Variants in PLEKHA6 observed in about 807,000 individuals in gnomAD.
PLEKHA6 encodes pleckstrin homology domain-containing family A member 6.
In PLEKHA6, 60 loss-of-function variants were observed where a neutral mutation model predicts 116.7. That is an observed-to-expected ratio of 0.51 (90% CI 0.42 to 0.64). PLEKHA6 has a LOEUF of 0.64. PLEKHA6 is among the 30% of genes least tolerant of loss of function. PLEKHA6 has a pLI of 0.00. For missense variants in PLEKHA6, 1,338 were observed against 1,422.7 expected, an observed-to-expected ratio of 0.94 and a Z score of 0.96; for synonymous variants, 489 against 556.1, an observed-to-expected ratio of 0.88 and a Z score of 1.70.
rs1665155311 is a variant in PLEKHA6 at position 204,255,509 on chromosome 1, T to G, written c.1524+1844A>C. On this transcript the variant is annotated intron_variant, in intron 9 of 22. Coordinates refer to ENST00000272203, the MANE Select transcript of PLEKHA6 (RefSeq NM_014935.5). ...AACCAAAACATAAGCCACTTTGTTG[T>G]GTCCTGCTTGCACCAACAAAGGTTG... 4.7e-6 allele frequency: 3 copies of G among 644,314 alleles called. No homozygotes were observed. In the Admixed American group the frequency reaches 7.3e-5, roughly 16 times the overall value. The allele number at this position is 644,314 out of a possible 1,614,324, so 39.9% of individuals were successfully genotyped here. A position where few individuals can be genotyped will look rare whatever the true frequency, so the allele number is the denominator to read the frequency against.
intron 1 of PLEKHA6, chr1:204,297,360 G>A (rs571066585): frequency 4.1e-6 from 1 of 246,276 alleles, no homozygotes; most frequent in African/African-American, 2.3e-5. Flanking sequence ...AATTCTACTG[G>A]GTGTAAGGCA....
At chr1:204,319,456 GACTT>G (rs899547394) in intron 1 of PLEKHA6, among the ~76,000 whole-genome samples, 10 of 152,244 alleles carry the variant, frequency 6.6e-5, no homozygotes, top group African/African-American at 2.2e-4. Context: ...GACATTAAGA[GACTT>G]ACTCATTGTC....
Position 204,221,053 on chromosome 1 carries a change from G to A in PLEKHA6, c.*1735C>T, listed in dbSNP as rs1659588082. 1 of 152,234 alleles carries A rather than the reference G, an allele frequency of 6.6e-6. No homozygotes were observed. The highest frequency in any genetic ancestry group is 6.5e-5 in the Admixed American group (1 of 15,286). 9.4% of individuals were successfully genotyped at this position (152,234 alleles called of 1,614,324 possible). ...TGCAGGGGAGAAAGGGCAGGTTTGGGGTGCTTGAACTGTGAAGATGGGAAA... is the reference window on the plus strand; with the variant it reads ...TGCAGGGGAGAAAGGGCAGGTTTGGAGTGCTTGAACTGTGAAGATGGGAAA... On this transcript the variant is annotated 3_prime_UTR_variant, in exon 23 of 23. Transcript: ENST00000272203.
At chr1:204,224,926 G>T (rs997711979) in intron 21 of PLEKHA6, among the ~76,000 whole-genome samples, 1 of 152,150 alleles carries the variant, frequency 6.6e-6, no homozygotes, top group African/African-American at 2.4e-5. Flanking sequence ...CAACATAGAG[G>T]TTATAGCCCA....
rs561095524 is a variant in PLEKHA6 at position 204,294,758 on chromosome 1, A to C, written c.-94-19949T>G. Among the ~76,000 whole-genome samples, 36 of 152,308 alleles carry C rather than the reference A, an allele frequency of 2.4e-4. 1 individual carries two copies. The highest frequency in any genetic ancestry group is 8.4e-4 in the African/African-American group (35 of 41,570). Reference sequence around the variant, plus strand: ...GTGCTTTCATTCCCCCATCTGTGAAAACGGGATAATATACGGACCTTCTTC... The same window carrying C: ...GTGCTTTCATTCCCCCATCTGTGAACACGGGATAATATACGGACCTTCTTC... On this transcript the variant is annotated intron_variant, in intron 1 of 22. Transcript: ENST00000272203.
At chr1:204,243,084 C>T (rs1663075062) in intron 15 of PLEKHA6, 1 of 399,114 alleles carries the variant, frequency 2.5e-6, no homozygotes, top group Admixed American at 4.4e-5. Flanking sequence ...TCCCCTGCCC[C>T]ACCCTCCAGG....
intron 3 of PLEKHA6, among the ~76,000 whole-genome samples, chr1:204,269,551 C>G (rs915050400): frequency 2.6e-5 from 4 of 151,352 alleles, no homozygotes; most frequent in Non-Finnish European, 5.9e-5. Context: ...CACACCCTCA[C>G]CATCCTTCCC....
intron 1 of PLEKHA6, among the ~76,000 whole-genome samples, chr1:204,376,463 A>T (rs1454920611): frequency 2.6e-5 from 4 of 152,252 alleles, no homozygotes; most frequent in Non-Finnish European, 5.9e-5. Flanking sequence ...AATGGAGTTA[A>T]TTTCTAAGAT....
chr1:204,228,311 CAGGG>C lies in PLEKHA6; in HGVS notation c.2886-87_2886-84del. ...GAGGGGGCCTGCGGACTGAGGTTGG[CAGGG>C]AGGGCCAGGGCCCCGTGAATGTGCA... On this transcript the variant is annotated intron_variant, in intron 20 of 22. Transcript: ENST00000272203. The surrounding 1 kb of genome is among the most constrained non-coding windows in gnomAD (Gnocchi z 4.0). 7 of 1,329,334 alleles carry C rather than the reference CAGGG, an allele frequency of 5.3e-6. No individual in the cohort carries two copies. Among genetic ancestry groups the C allele is most frequent in the Non-Finnish European group, 7.3e-6 (7 of 960,064 alleles). 82.3% of individuals were successfully genotyped at this position (1,329,334 alleles called of 1,614,324 possible).
intron 13 of PLEKHA6, 32 bp from the exon 14 acceptor site, chr1:204,245,758 T>C: frequency 1.4e-6 from 2 of 1,474,974 alleles, no homozygotes; most frequent in Non-Finnish European, 1.9e-6. Context: ...TCAAAGGAAA[T>C]GGCCATGAGG....
chr1:204,229,697 G>C (rs1436687548), intron 18 of PLEKHA6, among the ~76,000 whole-genome samples: 1 of 152,218 alleles, frequency 6.6e-6, no homozygotes, highest in Non-Finnish European at 1.5e-5. Flanking sequence ...TTACATGCAT[G>C]AGGAGCCAAC....
intron 15 of PLEKHA6, among the ~76,000 whole-genome samples, chr1:204,242,867 G>T (rs954689812): frequency 1.3e-5 from 2 of 152,228 alleles, no homozygotes; most frequent in Non-Finnish European, 2.9e-5. Flanking sequence ...CCATGAGCCT[G>T]GGGTTGGAGC....
At chr1:204,253,289 A>G (rs1664810990) in intron 9 of PLEKHA6, among the ~76,000 whole-genome samples, 1 of 152,166 alleles carries the variant, frequency 6.6e-6, no homozygotes, top group South Asian at 2.1e-4. Context: ...TTGAGAAAAC[A>G]AAGACCCAGA....
chr1:204,343,484 G>C (rs2103324639), intron 1 of PLEKHA6, among the ~76,000 whole-genome samples: 1 of 152,310 alleles, frequency 6.6e-6, no homozygotes, highest in East Asian at 1.9e-4. Flanking sequence ...GGGAAGCCAA[G>C]TGCAAACCCA....
intron 1 of PLEKHA6, among the ~76,000 whole-genome samples, chr1:204,321,543 T>C (rs1672062530): frequency 1.3e-5 from 2 of 151,376 alleles, no homozygotes; most frequent in Non-Finnish European, 2.9e-5. Flanking sequence ...ATGCTGTTTC[T>C]TCTGCTGGAA....
At chr1:204,376,706 C>T (rs1558207822) in intron 1 of PLEKHA6, among the ~76,000 whole-genome samples, 1 of 152,168 alleles carries the variant, frequency 6.6e-6, no homozygotes, top group Non-Finnish European at 1.5e-5. Context: ...ATCTCTGGAC[C>T]TCAGTTCCCC....
intron 1 of PLEKHA6, among the ~76,000 whole-genome samples, chr1:204,355,089 G>A (rs1031390168): frequency 6.6e-6 from 1 of 152,248 alleles, no homozygotes; most frequent in Non-Finnish European, 1.5e-5. Context: ...GAAAGAACTT[G>A]AGGGTCTTTG....
chr1:204,240,565 A>C (rs1662666294), intron 17 of PLEKHA6, among the ~76,000 whole-genome samples: 1 of 152,206 alleles, frequency 6.6e-6, no homozygotes, highest in African/African-American at 2.4e-5. Context: ...TCACATAAGC[A>C]TTGAAGTATT....
intron 2 of PLEKHA6, among the ~76,000 whole-genome samples, chr1:204,368,279 C>A (rs1186645170): frequency 6.6e-6 from 1 of 152,150 alleles, no homozygotes; most frequent in African/African-American, 2.4e-5. Context: ...TCACTTGCCC[C>A]AGGAACTCAT....
Sources: gnomAD v4.1 joint callset for allele counts (sites outside exome capture counted in the v4.1 genomes callset) on GRCh38, gnomAD v4.1.1 for gene constraint, Gnocchi (gnomAD v3.1) non-coding constraint, MANE v1.5 for transcripts, NCBI Gene and HGNC (gene_info 2026-07-23, HGNC 2026-07-21) for gene names.